Variants in PSG11 observed in about 807,000 individuals in gnomAD.
PSG11 encodes pregnancy-specific beta-1-glycoprotein 11.
Under a neutral mutation model 36.0 loss-of-function variants are expected in PSG11, and 42 were observed. The observed-to-expected ratio is 1.17, with a 90% CI of 0.91 to 1.51. The LOEUF (loss-of-function observed/expected upper bound fraction) is 1.51. Among genes scored for constraint, PSG11 ranks in the 40% most tolerant of loss-of-function variants. The pLI is 0.00. For missense variants in PSG11, 558 were observed against 403.5 expected, an observed-to-expected ratio of 1.38 and a Z score of -3.28; for synonymous variants, 206 against 153.5, an observed-to-expected ratio of 1.34 and a Z score of -2.53.
At chr19:43,023,337 G>A (rs1448903514) in intron 2 of PSG11, among the ~76,000 whole-genome samples, 1 of 150,922 alleles carries the variant, frequency 6.6e-6, no homozygotes, top group Non-Finnish European at 1.5e-5. Flanking sequence ...GAGCTCCTGA[G>A]TGTGTGTCTC....
chr19:43,022,409 G>A (rs1019376058), intron 2 of PSG11, among the ~76,000 whole-genome samples: 11 of 151,086 alleles, frequency 7.3e-5, no homozygotes, highest in African/African-American at 1.5e-4. Flanking sequence ...CCCTCCGCCC[G>A]CATGATTCCA....
rs559116509 is a variant in PSG11, at chr19:43,009,340, T to C, written c.*40+618A>G. ...GGTGGAAGGGATTTCACTCTGTTTTTAGACATAGCATTGGAACTAAGAATT... is the reference window on the plus strand; with the variant it reads ...GGTGGAAGGGATTTCACTCTGTTTTCAGACATAGCATTGGAACTAAGAATT... On this transcript the variant is annotated intron_variant, in intron 5 of 5. Transcript: ENST00000320078. Among the ~76,000 whole-genome samples, 836 of 151,492 alleles carry C rather than the reference T, an allele frequency of 5.5e-3. 13 individuals are homozygous for C. The highest frequency in any genetic ancestry group is 0.01 in the South Asian group (50 of 4,770).
intron 2 of PSG11, among the ~76,000 whole-genome samples, chr19:43,019,971 G>C (rs1368454130): frequency 6.6e-6 from 1 of 151,534 alleles, no homozygotes; most frequent in East Asian, 1.9e-4. Context: ...AAGAAGTCTT[G>C]CAGATACTTT....
At position 43,026,405 on chromosome 19, in the gene PSG11, A is replaced by G. The variant is rs1162032622; in HGVS notation, c.-33T>C. On this transcript the variant is annotated 5_prime_UTR_variant, in exon 1 of 6. Transcript: ENST00000320078. ...GCTGCGTGCATGTTCTCCTCTGTGG[A>G]GATGAGCCTAGGATCCAGAAGCTTC... The G allele has an allele frequency of 6.2e-7, 1 of 1,604,750 alleles. No homozygotes were observed. Among genetic ancestry groups the G allele is most frequent in the Admixed American group, 1.7e-5 (1 of 59,570 alleles).
intron 2 of PSG11, among the ~76,000 whole-genome samples, chr19:43,020,730 G>A (rs948736807): frequency 1.3e-5 from 2 of 151,252 alleles, no homozygotes; most frequent in Non-Finnish European, 2.9e-5. Context: ...GACAGAACTG[G>A]TCAGTGCATC....
intron 2 of PSG11, among the ~76,000 whole-genome samples, chr19:43,020,219 AG>A (rs1365039553): frequency 6.6e-6 from 1 of 151,494 alleles, no homozygotes; most frequent in East Asian, 1.9e-4. Flanking sequence ...TTATGCAGAA[AG>A]GTTAAAACAA....
At chr19:43,025,146 TC>T in intron 1 of PSG11, 90 bp from the exon 2 acceptor site, 1 of 1,482,674 alleles carries the variant, frequency 6.7e-7, no homozygotes, top group Non-Finnish European at 9.1e-7. Flanking sequence ...GTCTCTTCAA[TC>T]CTCAGCCTTG....
Position 43,007,929 on chromosome 19 carries a change from A to G in PSG11, c.*154T>C, listed in dbSNP as rs1347911055. On this transcript the variant is annotated 3_prime_UTR_variant, in exon 6 of 6. Coordinates refer to ENST00000320078, the MANE Select transcript of PSG11 (RefSeq NM_002785.3). The stretch of plus-strand genomic sequence containing the variant: ...TTTCTTCTTTGTCTTGAATTTCATG[A>G]AGGTATCAGCCTGTTCATCAAAATT... 3.5e-5 allele frequency: 14 copies of G among 396,006 alleles called. No homozygotes were observed. The highest frequency in any genetic ancestry group is 2.7e-4 in the African/African-American group (13 of 47,794). The allele number at this position is 396,006 out of a possible 1,614,324, so 24.5% of individuals were successfully genotyped here.
intron 2 of PSG11, among the ~76,000 whole-genome samples, chr19:43,021,406 C>T (rs1052823791): frequency 6.6e-6 from 1 of 151,222 alleles, no homozygotes; most frequent in Non-Finnish European, 1.5e-5. Context: ...GGCTGGAGTG[C>T]AGTGGCATGA....
chr19:43,012,037 C>A (rs1416445073), intron 4 of PSG11, among the ~76,000 whole-genome samples: 1 of 151,096 alleles, frequency 6.6e-6, no homozygotes, highest in African/African-American at 2.4e-5. Flanking sequence ...CCTAGAAACA[C>A]ACAAAAATAT....
Position 43,022,045 on chromosome 19 carries a change from A to G in PSG11, c.430+2646T>C, listed in dbSNP as rs1296594659. On this transcript the variant is annotated intron_variant, in intron 2 of 5. Coordinates refer to ENST00000320078, the MANE Select transcript of PSG11 (RefSeq NM_002785.3). Reference sequence around the variant, plus strand: ...GGTTTAACTTTGAAGCAAGAATGATAATAGTTCCTCCATAAAACTAACACC... The same window carrying G: ...GGTTTAACTTTGAAGCAAGAATGATGATAGTTCCTCCATAAAACTAACACC... Among the ~76,000 whole-genome samples the G allele has an allele frequency of 1.3e-5, 2 of 151,492 alleles. 1 individual carries two copies. The highest frequency in any genetic ancestry group is 2.9e-5 in the Non-Finnish European group (2 of 67,922).
In PSG11 at chr19:43,015,122, C is replaced by A. The variant is rs369495163; in HGVS notation, c.958G>T (p.Val320Phe). ...GATGCTGGGATCCACTTACCAATGA[C>A]TCTGATTGTCAAGGATGTGGAGCTT... ...EESSTSLTIRVIAPPGLGTFA... is the reference protein window; with the variant it reads ...EESSTSLTIRFIAPPGLGTFA... Residue 320 changes from valine (V) to phenylalanine (F), a missense_variant, in exon 4 of 6, where the codon GTC (valine) becomes TTC (phenylalanine). Coordinates refer to ENST00000320078, the MANE Select transcript of PSG11 (RefSeq NM_002785.3). 1.9e-6 allele frequency: 3 copies of A among 1,611,970 alleles called. No homozygotes were observed. Among genetic ancestry groups the A allele is most frequent in the South Asian group, 2.2e-5 (2 of 90,814 alleles).
At chr19:43,009,478 A>C (rs1437309541) in intron 5 of PSG11, among the ~76,000 whole-genome samples, 1 of 151,336 alleles carries the variant, frequency 6.6e-6, no homozygotes, top group Non-Finnish European at 1.5e-5. Context: ...TAGTAAATAG[A>C]AGAAATGTGA....
Position 43,018,875 on chromosome 19 carries a change from G to T in PSG11, c.604C>A (p.Leu202Ile). Residue 202 changes from leucine to isoleucine, a missense_variant, in exon 3 of 6, where the codon CTC (leucine) becomes ATC (isoleucine). Coordinates refer to ENST00000320078, the MANE Select transcript of PSG11 (RefSeq NM_002785.3). ...TACTTTGTGACACCAAATAGAAAGAGGGTCCTGTTGGTTTCAGACAGCTGC... is the reference window on the plus strand; with the variant it reads ...TACTTTGTGACACCAAATAGAAAGATGGTCCTGTTGGTTTCAGACAGCTGC... The part of the protein sequence containing the change: ...RMQLSETNRT[L>I]FLFGVTKYTA... 1 of 1,612,064 alleles carries T rather than the reference G, an allele frequency of 6.2e-7. No homozygotes were observed. Among genetic ancestry groups the T allele is most frequent in the East Asian group, 2.2e-5 (1 of 44,792 alleles).
Position 43,024,541 on chromosome 19 carries a change from T to A in PSG11, c.430+150A>T, listed in dbSNP as rs1304029896. 1.3e-5 allele frequency: 19 copies of A among 1,444,850 alleles called. No individual in the cohort carries two copies. In the Admixed American group the frequency reaches 3.5e-4, roughly 26 times the overall value. 89.5% of individuals were successfully genotyped at this position (1,444,850 alleles called of 1,614,324 possible). A position where few individuals can be genotyped will look rare whatever the true frequency, so the allele number is the denominator to read the frequency against. ...CTGATCTGTTGAAATTTGTCTCCTC[T>A]GTGTGTGTCCTGCACTAAATGCCCA... On this transcript the variant is annotated intron_variant, in intron 2 of 5. Transcript: ENST00000320078.
chr19:43,025,030 G>A lies in PSG11; in HGVS notation c.91C>T (p.Pro31Ser). The change falls in exon 2 of 6, where the codon CCT (proline) becomes TCT (serine). Residue 31 changes from proline (P) to serine (S), a missense_variant. Physicochemically the swap from Pro to Ser is moderately conservative, Grantham distance 74. Coordinates refer to ENST00000320078, the MANE Select transcript of PSG11 (RefSeq NM_002785.3). ...TALLLNFWNL[P>S]TTAQVMIEAQ... ...TCAATCATGACTTGGGCAGTGGTAGGCAAGTTCCAGAAGTTTAAAAGTAAT... is the reference window on the plus strand; with the variant it reads ...TCAATCATGACTTGGGCAGTGGTAGACAAGTTCCAGAAGTTTAAAAGTAAT... The A allele has an allele frequency of 2.5e-6, 4 of 1,610,660 alleles. No individual in the cohort carries two copies. The Middle Eastern group carries it at 5.0e-4, about 200-fold the overall frequency.
At chr19:43,016,765 C>A (rs946130328) in intron 3 of PSG11, among the ~76,000 whole-genome samples, 17 of 151,532 alleles carry the variant, frequency 1.1e-4, no homozygotes, top group African/African-American at 4.1e-4. Context: ...GGAGCAGAAC[C>A]ATGTTCCCTG....
At chr19:43,020,843 A>G (rs1208492150) in intron 2 of PSG11, among the ~76,000 whole-genome samples, 1 of 151,358 alleles carries the variant, frequency 6.6e-6, no homozygotes, top group African/African-American at 2.4e-5. Context: ...TGCAGTTAGG[A>G]AAAATGGGGA....
rs184170828 is a variant in PSG11 at position 43,018,492 on chromosome 19, C to T, written c.709+278G>A. The T allele has an allele frequency of 2.0e-4, 143 of 714,532 alleles. 4 individuals carry two copies. The highest frequency in any genetic ancestry group is 1.6e-3 in the East Asian group (50 of 31,348). 44.3% of individuals were successfully genotyped at this position (714,532 alleles called of 1,614,324 possible). ...AAGACTGAAGTCCCAGCCAAATCCT[C>T]GCTGTGTTCACTGATCTGGAGCCTG... is the stretch of plus-strand genomic sequence containing the variant. On this transcript the variant is annotated intron_variant, in intron 3 of 5. Transcript: ENST00000320078.
Sources: gnomAD v4.1 joint callset for allele counts (sites outside exome capture counted in the v4.1 genomes callset) on GRCh38, gnomAD v4.1.1 for gene constraint, MANE v1.5 for transcripts, NCBI Gene and HGNC (gene_info 2026-07-23, HGNC 2026-07-21) for gene names.